The following C21orf58 variants were observed in gnomAD, a reference collection of about 807,000 sequenced individuals.
The protein encoded by C21orf58 is chromosome 21 open reading frame 58, also known as uncharacterized protein C21orf58.
C21orf58 carries 34 observed loss-of-function variants against 35.8 expected under a neutral mutation model. That is an observed-to-expected ratio of 0.95 (90% CI 0.72 to 1.26). C21orf58 has a LOEUF of 1.26. Among genes scored for constraint, C21orf58 ranks in the 50% most tolerant of loss-of-function variants. C21orf58 has a pLI of 0.00. For synonymous variants in C21orf58, 191 were observed against 175.8 expected, an observed-to-expected ratio of 1.09 and a Z score of -0.68; for missense variants, 440 against 414.3, an observed-to-expected ratio of 1.06 and a Z score of -0.54.
chr21:46,322,004 T>C (rs1298202752), intron 1 of C21orf58, among the ~76,000 whole-genome samples: 1 of 150,926 alleles, frequency 6.6e-6, no homozygotes, highest in Non-Finnish European at 1.5e-5. Context: ...TAAAATGAAT[T>C]GAGGCTGGGC....
chr21:46,318,232 G>A lies in C21orf58; in HGVS notation c.101-12C>T, dbSNP rs772048968. 5.6e-6 allele frequency: 9 copies of A among 1,611,042 alleles called. No individual in the cohort carries two copies. In the East Asian group the frequency reaches 1.8e-4, roughly 32 times the overall value. ...TCCTGGAGACCAGCCTGAGGGAAGA[G>A]AAGAGCCCTGTGGGAAGATAGCCAC... On this transcript the variant is annotated splice_polypyrimidine_tract_variant and intron_variant, in intron 1 of 7. Coordinates refer to ENST00000291691, the MANE Select transcript of C21orf58 (RefSeq NM_058180.5).
At chr21:46,317,598 C>T (rs80330397) in intron 2 of C21orf58, among the ~76,000 whole-genome samples, 6,587 of 152,338 alleles carry the variant, frequency 0.043, 209 homozygotes, top group Non-Finnish European at 0.066. Context: ...ATGCCTAGAT[C>T]ACCCCCCACC....
downstream of C21orf58, chr21:46,300,702 G>T: frequency 7.8e-6 from 10 of 1,285,606 alleles, no homozygotes; most frequent in Non-Finnish European, 1.0e-5. Context: ...CAACTCTCTG[G>T]TCATCCTGTC....
At chr21:46,311,642 T>TCCAC in intron 5 of C21orf58, 75 bp from the exon 6 acceptor site, 1 of 801,040 alleles carries the variant, frequency 1.2e-6, no homozygotes, top group East Asian at 3.0e-5. Context: ...CACCCATCCA[T>TCCAC]CCACCCACCC....
intron 6 of C21orf58, among the ~76,000 whole-genome samples, chr21:46,309,235 CA>C (rs1487928357): frequency 6.6e-6 from 1 of 151,902 alleles, no homozygotes; most frequent in African/African-American, 2.4e-5. Flanking sequence ...CCGAGGCAGG[CA>C]GATCATCTGA....
chr21:46,304,020 G>GT (rs34586952), intron 6 of C21orf58, among the ~76,000 whole-genome samples: 728 of 44,526 alleles, frequency 0.016, 8 homozygotes, highest in African/African-American at 0.029. Context: ...CAAAGTGCTG[G>GT]TTTTTTTTTT....
intron 1 of C21orf58, chr21:46,320,719 G>A (rs1409714749): frequency 6.6e-6 from 1 of 152,198 alleles, no homozygotes; most frequent in Non-Finnish European, 1.5e-5. Flanking sequence ...TGTCACTTGT[G>A]AGAAGCCCTC....
At chr21:46,302,648 A>G (rs2082162612) in intron 6 of C21orf58, 72 bp from the exon 7 acceptor site, 6 of 1,210,980 alleles carry the variant, frequency 5.0e-6, no homozygotes, top group Non-Finnish European at 7.1e-6. Context: ...ATAGAGCATT[A>G]TAGGACCAGA....
At chr21:46,312,058 ACCAC>A (rs1569129119) in intron 5 of C21orf58, among the ~76,000 whole-genome samples, 1 of 115,006 alleles carries the variant, frequency 8.7e-6, no homozygotes, top group Non-Finnish European at 1.8e-5. Context: ...CAACCAACCA[ACCAC>A]CCACCCATCC....
At chr21:46,321,381 T>C (rs1480115362) in intron 1 of C21orf58, among the ~76,000 whole-genome samples, 1 of 152,180 alleles carries the variant, frequency 6.6e-6, no homozygotes, top group Non-Finnish European at 1.5e-5. Flanking sequence ...TTATGATTAA[T>C]GAACCAATAT....
chr21:46,301,994 C>G lies in C21orf58; in HGVS notation c.*5G>C. ...TGCCCCGGCCAGGGTCTCTGTGACT[C>G]ACACTCAGGGTGGGCCAGGCGTCCA... On this transcript the variant is annotated 3_prime_UTR_variant, in exon 8 of 8. Transcript: ENST00000291691. The G allele has an allele frequency of 6.6e-7, 1 of 1,522,982 alleles. No homozygotes were observed. Among genetic ancestry groups the G allele is most frequent in the Non-Finnish European group, 8.8e-7 (1 of 1,135,552 alleles). The allele number at this position is 1,522,982 out of a possible 1,614,324, so 94.3% of individuals were successfully genotyped here.
In C21orf58 at chr21:46,311,519, G is replaced by C; in HGVS notation, c.658C>G (p.Leu220Val). The C allele has an allele frequency of 2.5e-6, 4 of 1,612,706 alleles. No homozygotes were observed. The East Asian group carries it at 8.9e-5, about 36-fold the overall frequency. ...TIIQQLPQQP[L>V]IAQIPPPQAF... is the part of the protein sequence containing the mutation. ...TGGGGAGGAGGAATCTGTGCTATGA[G>C]TGGCTGCTGAGGGAGCTGCTGAATG... The change falls in exon 6 of 8, where the codon CTC becomes GTC. Residue 220 changes from leucine (L) to valine (V), a missense_variant. Leu to Val is a conservative substitution (Grantham distance 32, BLOSUM62 1). Coordinates refer to ENST00000291691, the MANE Select transcript of C21orf58 (RefSeq NM_058180.5).
intron 6 of C21orf58, among the ~76,000 whole-genome samples, chr21:46,310,805 C>T (rs548224161): frequency 1.3e-5 from 2 of 150,724 alleles, no homozygotes; most frequent in East Asian, 3.9e-4. Context: ...GTAAGACACT[C>T]TCTCTCTCTC....
downstream of C21orf58, chr21:46,301,010 C>G (rs1445383934): frequency 1.1e-6 from 1 of 930,238 alleles, no homozygotes; most frequent in Non-Finnish European, 1.4e-6. Context: ...CCAGCACTCA[C>G]CTTTGCTTTA....
At chr21:46,318,857 C>T (rs1443929155) in intron 1 of C21orf58, 8 of 986,750 alleles carry the variant, frequency 8.1e-6, no homozygotes, top group South Asian at 4.7e-5. Context: ...AAAACAGGAG[C>T]GTGGTCTGCA....
chr21:46,318,955 C>CA (rs2083072289), intron 1 of C21orf58: 9 of 663,568 alleles, frequency 1.4e-5, no homozygotes, highest in Non-Finnish European at 1.5e-5. Context: ...GCAGCAGGGG[C>CA]CCAGACCTGT....
Position 46,318,048 on chromosome 21 carries a change from C to T in C21orf58, c.273G>A (p.Glu91=), listed in dbSNP as rs769297640. 3.1e-6 allele frequency: 5 copies of T among 1,613,478 alleles called. No homozygotes were observed. Among genetic ancestry groups the T allele is most frequent in the Non-Finnish European group, 3.4e-6 (4 of 1,180,008 alleles). ...APTMLDSSAA[E]QVTRLTLKLL... is the part of the protein sequence containing the mutation. ...GCTTCAGCGTCAGTCGGGTCACTTG[C>T]TCTGCTGCTGATGAGTCCAGCATGG... Residue 91 remains glutamate, a synonymous_variant, in exon 2 of 8, where the codon GAG becomes GAA. Coordinates refer to ENST00000291691, the MANE Select transcript of C21orf58 (RefSeq NM_058180.5).
At position 46,301,225 on chromosome 21, in the gene C21orf58, T is replaced by G. The variant is rs1427105966; in HGVS notation, c.*774A>C. 2 of 370,274 alleles carry G rather than the reference T, an allele frequency of 5.4e-6. No individual in the cohort carries two copies. Among genetic ancestry groups the G allele is most frequent in the Admixed American group, 6.4e-5 (1 of 15,592 alleles). The allele number at this position is 370,274 out of a possible 1,614,324, so 22.9% of individuals were successfully genotyped here. A position where few individuals can be genotyped will look rare whatever the true frequency, so the allele number is the denominator to read the frequency against. On this transcript the variant is annotated 3_prime_UTR_variant, in exon 8 of 8. Coordinates refer to ENST00000291691, the MANE Select transcript of C21orf58 (RefSeq NM_058180.5). ...GGTTCCATCAGAGCTCACTGCAGCT[T>G]CTAACTCCTGGGCTCAAGCAATCCT...
At chr21:46,315,206 G>A in intron 4 of C21orf58, 1 of 613,262 alleles carries the variant, frequency 1.6e-6, no homozygotes, top group Non-Finnish European at 2.8e-6. Context: ...CCACTCGGAT[G>A]CATCTTTGGT....
Sources: allele counts gnomAD v4.1 joint callset (sites outside exome capture counted in the v4.1 genomes callset), GRCh38; gene constraint gnomAD v4.1.1; transcripts MANE v1.5; gene names NCBI Gene and HGNC (gene_info 2026-07-23, HGNC 2026-07-21).